The following ADGRL3 variants were observed in gnomAD, a reference collection of about 807,000 sequenced individuals.
ADGRL3 encodes the protein calcium-independent alpha-latrotoxin receptor 3.
Under a neutral mutation model 153.5 loss-of-function variants are expected in ADGRL3, and 62 were observed. That is an observed-to-expected ratio of 0.40 (90% CI 0.33 to 0.50). The LOEUF is 0.50. ADGRL3 is among the 20% of genes least tolerant of loss of function. The pLI is 0.47. For synonymous variants in ADGRL3, 710 were observed against 672.5 expected (o/e 1.06, Z -0.86); for missense variants, 1,641 against 1,859.4 (o/e 0.88, Z 2.16).
chr4:61,990,430 T>C (rs2099099724), intron 19 of ADGRL3, among the ~76,000 whole-genome samples: 2 of 151,910 alleles, frequency 1.3e-5, no homozygotes, highest in African/African-American at 4.8e-5. Flanking sequence ...GGGGAGTGAC[T>C]TTTGGTGGGT....
At chr4:61,209,298 G>C (rs1738729123) in intron 1 of ADGRL3, among the ~76,000 whole-genome samples, 1 of 152,086 alleles carries the variant, frequency 6.6e-6, no homozygotes, top group African/African-American at 2.4e-5. Flanking sequence ...CCCCAAATGT[G>C]CAAGTTTCTG....
intron 8 of ADGRL3, among the ~76,000 whole-genome samples, chr4:61,747,966 C>T (rs2096692357): frequency 6.6e-6 from 1 of 152,124 alleles, no homozygotes; most frequent in Non-Finnish European, 1.5e-5. Context: ...ACCCCATTGT[C>T]TCAGCCCAAA....
chr4:61,461,331 T>C (rs2097814027), intron 2 of ADGRL3, among the ~76,000 whole-genome samples: 1 of 152,156 alleles, frequency 6.6e-6, no homozygotes, highest in African/African-American at 2.4e-5. Context: ...TTTAATCAGC[T>C]TTATAGTATA....
intron 1 of ADGRL3, among the ~76,000 whole-genome samples, chr4:61,353,629 CGAG>C (rs1394560526): frequency 2.5e-5 from 2 of 80,026 alleles, no homozygotes; most frequent in African/African-American, 9.2e-5. Context: ...TTTGTAGAAA[CGAG>C]GTCTCACTAT....
chr4:61,882,361 AT>A (rs1452344192), intron 9 of ADGRL3, among the ~76,000 whole-genome samples: 1 of 152,190 alleles, frequency 6.6e-6, no homozygotes, highest in Non-Finnish European at 1.5e-5. Context: ...CCCATGCTGT[AT>A]TATGTATGTA....
chr4:61,854,845 C>T (rs1411009694), intron 9 of ADGRL3, among the ~76,000 whole-genome samples: 1 of 152,114 alleles, frequency 6.6e-6, no homozygotes, highest in African/African-American at 2.4e-5. Flanking sequence ...ATGATGTGAT[C>T]AAAATGGTAT....
chr4:61,748,931 A>T (rs1402995159), intron 8 of ADGRL3, among the ~76,000 whole-genome samples: 2 of 151,204 alleles, frequency 1.3e-5, no homozygotes, highest in African/African-American at 4.9e-5. Context: ...GCAACCTACA[A>T]AATGGGAGAA....
intron 1 of ADGRL3, among the ~76,000 whole-genome samples, chr4:61,342,674 A>G (rs2095829860): frequency 6.6e-6 from 1 of 152,002 alleles, no homozygotes; most frequent in South Asian, 2.1e-4. Flanking sequence ...TCTCCTTGTC[A>G]TTTTCTTCAT....
intron 9 of ADGRL3, among the ~76,000 whole-genome samples, chr4:61,850,132 A>T (rs892473490): frequency 6.6e-6 from 1 of 152,088 alleles, no homozygotes. Context: ...GAACGTTGTG[A>T]TGGTCAATCT....
At chr4:61,549,283 T>C (rs915323190) in intron 4 of ADGRL3, among the ~76,000 whole-genome samples, 2 of 152,116 alleles carry the variant, frequency 1.3e-5, no homozygotes, top group African/African-American at 4.8e-5. Context: ...TTTGATTTCC[T>C]CTCTTCCTAT....
chr4:61,357,034 C>G (rs1048935398), intron 1 of ADGRL3, among the ~76,000 whole-genome samples: 1 of 151,794 alleles, frequency 6.6e-6, no homozygotes, highest in South Asian at 2.1e-4. Flanking sequence ...AATGACTCAA[C>G]AAGTCCATTA....
intron 9 of ADGRL3, among the ~76,000 whole-genome samples, chr4:61,875,745 C>A (rs2098471279): frequency 6.6e-6 from 1 of 152,130 alleles, no homozygotes; most frequent in Non-Finnish European, 1.5e-5. Context: ...AACTAGAGTT[C>A]TTTTCAGATA....
chr4:61,685,312 A>G (rs59964455), intron 6 of ADGRL3, among the ~76,000 whole-genome samples: 5 of 152,266 alleles, frequency 3.3e-5, no homozygotes, highest in African/African-American at 9.6e-5. Context: ...CTATGGTCCT[A>G]TAACTGTGCT....
intron 4 of ADGRL3, 68 bp from the exon 5 acceptor site, chr4:61,587,159 G>A (rs966231476): frequency 8.9e-6 from 9 of 1,010,066 alleles, no homozygotes; most frequent in East Asian, 2.6e-5. Context: ...TTGGAAAAGC[G>A]AACACATGTA....
intron 18 of ADGRL3, among the ~76,000 whole-genome samples, chr4:61,980,223 A>C (rs1283144461): frequency 6.7e-6 from 1 of 148,488 alleles, no homozygotes; most frequent in Non-Finnish European, 1.5e-5. Context: ...TCTGGGTTTG[A>C]GTATAATTTT....
intron 9 of ADGRL3, among the ~76,000 whole-genome samples, chr4:61,891,653 C>G (rs976803230): frequency 6.6e-6 from 1 of 152,082 alleles, no homozygotes; most frequent in Non-Finnish European, 1.5e-5. Context: ...GCTAGAGACT[C>G]ATATCAGAAT....
intron 8 of ADGRL3, among the ~76,000 whole-genome samples, chr4:61,783,897 G>T (rs1159768496): frequency 2.0e-5 from 3 of 151,928 alleles, no homozygotes; most frequent in Non-Finnish European, 4.4e-5. Context: ...AAGAAATGTG[G>T]ACTACATTAG....
At chr4:61,684,260 T>C (rs1365364587) in intron 6 of ADGRL3, among the ~76,000 whole-genome samples, 2 of 152,118 alleles carry the variant, frequency 1.3e-5, no homozygotes, top group Non-Finnish European at 1.5e-5. Context: ...AAAACCAACT[T>C]TGGCTAGTTT....
chr4:61,813,667 T>C (rs2097656091), intron 8 of ADGRL3, 142 bp from the exon 9 acceptor site: 1 of 814,974 alleles, frequency 1.2e-6, no homozygotes, highest in Admixed American at 3.0e-5. Flanking sequence ...ACATTGTTTT[T>C]ATGTTTGGGC....
Sources: allele counts gnomAD v4.1 joint callset (sites outside exome capture counted in the v4.1 genomes callset), GRCh38; gene constraint gnomAD v4.1.1; transcripts MANE v1.5; gene names NCBI Gene and HGNC (gene_info 2026-07-23, HGNC 2026-07-21).